The following PALS1 variants were observed in gnomAD, a reference collection of about 807,000 sequenced individuals.
PALS1 encodes protein associated with LIN7 1, MAGUK p55 family member.
A neutral mutation model predicts 78.9 loss-of-function variants in PALS1; 31 were observed. The observed-to-expected ratio is 0.39, with a 90% CI of 0.30 to 0.53. The LOEUF is 0.53. Among genes scored for constraint, PALS1 ranks in the 20% least tolerant of loss-of-function variants. The pLI, the probability that PALS1 is intolerant of heterozygous loss-of-function variation, is 0.67. For missense variants in PALS1, 704 were observed against 826.5 expected (o/e 0.85, Z 1.82); for synonymous variants, 276 against 270.9 (o/e 1.02, Z -0.18).
intron 3 of PALS1, among the ~76,000 whole-genome samples, chr14:67,287,103 A>T (rs998106848): frequency 2.0e-5 from 3 of 152,026 alleles, no homozygotes; most frequent in Admixed American, 1.3e-4. Flanking sequence ...CTGTAGTCCC[A>T]GCTACTGGGG....
Position 67,274,335 on chromosome 14 carries a change from A to G in PALS1, c.-154+4552A>G, listed in dbSNP as rs149575585. 6.0e-3 allele frequency among the ~76,000 whole-genome samples: 907 copies of G among 152,264 alleles called. 13 individuals carry two copies. Among genetic ancestry groups the G allele is most frequent in the African/African-American group, 0.018 (742 of 41,550 alleles). ...GGAAGGGATCCAGTTTCAGCTTTCT[A>G]CATATGCCTAGCCAGTTTTCCCAGC... On this transcript the variant is annotated intron_variant, in intron 2 of 14. Coordinates refer to ENST00000261681, the MANE Select transcript of PALS1 (RefSeq NM_022474.4).
rs540467729 is a variant in PALS1 at position 67,257,797 on chromosome 14, T to C, written c.-236-11904T>C. Among the ~76,000 whole-genome samples the C allele has an allele frequency of 3.3e-5, 5 of 152,298 alleles. No homozygotes were observed. The South Asian group carries it at 1.0e-3, about 32-fold the overall frequency. ...TAGAGGAGGTGAGACACTGAATTGT[T>C]CTTCATAGTAGGTTTAATGGAACTG... On this transcript the variant is annotated intron_variant, in intron 1 of 14. Coordinates refer to ENST00000261681, the MANE Select transcript of PALS1 (RefSeq NM_022474.4).
At chr14:67,273,256 T>G (rs534455979) in intron 2 of PALS1, among the ~76,000 whole-genome samples, 8 of 152,200 alleles carry the variant, frequency 5.3e-5, no homozygotes, top group African/African-American at 1.9e-4. Context: ...CCTAATGCTA[T>G]CGCTCCCCCC....
chr14:67,267,633 G>A (rs901052157), intron 1 of PALS1, among the ~76,000 whole-genome samples: 1 of 152,144 alleles, frequency 6.6e-6, no homozygotes, highest in Non-Finnish European at 1.5e-5. Flanking sequence ...ATAAGATTTA[G>A]GTTTTATGGG....
intron 9 of PALS1, among the ~76,000 whole-genome samples, chr14:67,314,593 G>C (rs1378927253): frequency 2.0e-5 from 3 of 152,206 alleles, no homozygotes; most frequent in East Asian, 1.9e-4. Context: ...TCTGCCTCAG[G>C]CTTGTGCCAA....
Position 67,302,486 on chromosome 14 carries a change from G to A in PALS1, c.878G>A (p.Gly293Asp). The A allele has an allele frequency of 6.3e-7, 1 of 1,599,704 alleles. No homozygotes were observed. The change falls in exon 7 of 15, where the codon GGT becomes GAT. Residue 293 changes from glycine to aspartate, a missense_variant. By Grantham distance (94) the Gly-to-Asp change is moderately conservative (BLOSUM62 -1). Transcript: ENST00000261681. ...AAAGGGGGTGCTGCAGAGAAAAGTG[G>A]TCTGTTGCATGAAGGAGATGAAGTT... ...IVKGGAAEKSGLLHEGDEVLE... is the reference protein window; with the variant it reads ...IVKGGAAEKSDLLHEGDEVLE...
At chr14:67,328,828 T>G (rs1358297932) in intron 14 of PALS1, among the ~76,000 whole-genome samples, 3 of 152,186 alleles carry the variant, frequency 2.0e-5, no homozygotes, top group Admixed American at 2.0e-4. Flanking sequence ...TTCTGTTCCA[T>G]TGGTCTGTAT....
chr14:67,272,718 G>T lies in PALS1; in HGVS notation c.-154+2935G>T, dbSNP rs554604239. On this transcript the variant is annotated intron_variant, in intron 2 of 14. Transcript: ENST00000261681. Reference sequence around the variant, plus strand: ...CTGTCTCCCAGGCTGGAGCGCAGTGGCACGATCTTGGCTCACTACAACCTC... The same window carrying T: ...CTGTCTCCCAGGCTGGAGCGCAGTGTCACGATCTTGGCTCACTACAACCTC... 1.9e-4 allele frequency among the ~76,000 whole-genome samples: 29 copies of T among 152,262 alleles called. 2 individuals are homozygous for T. The highest frequency in any genetic ancestry group is 6.5e-4 in the African/African-American group (27 of 41,554).
chr14:67,292,772 G>A, intron 4 of PALS1, 53 bp downstream of exon 4: 1 of 1,395,734 alleles, frequency 7.2e-7, no homozygotes, highest in Non-Finnish European at 1.0e-6. Flanking sequence ...GTAGTGGCAG[G>A]AAGGCAGGAT....
chr14:67,290,480 T>G (rs192555337), intron 3 of PALS1, among the ~76,000 whole-genome samples: 28 of 152,128 alleles, frequency 1.8e-4, no homozygotes, highest in African/African-American at 6.7e-4. Context: ...ATGGCCCCAG[T>G]GGATTCTCCC....
intron 3 of PALS1, among the ~76,000 whole-genome samples, chr14:67,284,371 G>A (rs1192934538): frequency 1.4e-5 from 2 of 147,518 alleles, no homozygotes; most frequent in South Asian, 2.2e-4. Flanking sequence ...GCCAAGGCAG[G>A]AGGATCTCTT....
In PALS1 at chr14:67,312,418, A is replaced by AT. The variant is rs571516400; in HGVS notation, c.1042-102dup. 2.4e-3 allele frequency: 1,892 copies of AT among 783,888 alleles called. 34 individuals are homozygous for AT. The African/African-American group carries it at 0.032, about 13-fold the overall frequency. 48.6% of individuals were successfully genotyped at this position (783,888 alleles called of 1,614,324 possible). ...CATACTGAGATGCTGTCTCTATTAA[A>AT]TTTTTTTAAAATTAAAAAATAATAA... is the stretch of plus-strand genomic sequence containing the variant. On this transcript the variant is annotated intron_variant, in intron 8 of 14. Transcript: ENST00000261681.
chr14:67,324,937 C>G (rs8021227), intron 14 of PALS1, among the ~76,000 whole-genome samples: 19,299 of 127,826 alleles, frequency 0.15, 2,724 homozygotes, highest in East Asian at 0.43. Flanking sequence ...CTGAGTCTTG[C>G]TCTGTCACCC....
At chr14:67,256,813 C>CACACACACAA (rs1165607648) in intron 1 of PALS1, among the ~76,000 whole-genome samples, 1 of 152,000 alleles carries the variant, frequency 6.6e-6, no homozygotes, top group African/African-American at 2.4e-5. Flanking sequence ...CACACACACA[C>CACACACACAA]ACACACACAC....
At chr14:67,317,731 A>G (rs2085199320) in intron 11 of PALS1, among the ~76,000 whole-genome samples, 1 of 152,230 alleles carries the variant, frequency 6.6e-6, no homozygotes. Context: ...ACTCTTTGCA[A>G]AAATTATACT....
chr14:67,248,152 G>A (rs1440441417), intron 1 of PALS1, among the ~76,000 whole-genome samples: 1 of 152,042 alleles, frequency 6.6e-6, no homozygotes, highest in African/African-American at 2.4e-5. Context: ...ATATTTGCAT[G>A]TTTCTGGGAC....
At chr14:67,296,068 C>T (rs567030660) in intron 4 of PALS1, among the ~76,000 whole-genome samples, 9 of 151,806 alleles carry the variant, frequency 5.9e-5, no homozygotes, top group African/African-American at 2.2e-4. Context: ...CCAACAGCAC[C>T]GAGATGTGCC....
intron 1 of PALS1, among the ~76,000 whole-genome samples, chr14:67,260,832 C>T (rs752526205): frequency 6.6e-5 from 10 of 151,996 alleles, no homozygotes; most frequent in African/African-American, 1.7e-4. Context: ...TGGGAAATTG[C>T]AGGGCTCATA....
chr14:67,273,720 C>T (rs1332737553), intron 2 of PALS1, among the ~76,000 whole-genome samples: 2 of 152,236 alleles, frequency 1.3e-5, no homozygotes, highest in Non-Finnish European at 2.9e-5. Flanking sequence ...AATGGTTGAA[C>T]TAGTTTACAC....
Sources: gnomAD v4.1 joint callset for allele counts (sites outside exome capture counted in the v4.1 genomes callset) on GRCh38, gnomAD v4.1.1 for gene constraint, MANE v1.5 for transcripts, NCBI Gene and HGNC (gene_info 2026-07-23, HGNC 2026-07-21) for gene names.